PAK4: variants seen among roughly 807,000 people sequenced by gnomAD.
PAK4 encodes p21 (RAC1) activated kinase 4, also known as serine/threonine-protein kinase PAK 4.
Under a neutral mutation model 53.5 loss-of-function variants are expected in PAK4, and 49 were observed. The ratio of observed to expected loss-of-function variants is 0.92; its 90% CI spans 0.73 to 1.16. The LOEUF (loss-of-function observed/expected upper bound fraction) is 1.16. PAK4 is among the 50% of genes most tolerant of loss of function. The pLI is 0.00. For missense variants in PAK4, 824 were observed against 850.7 expected (o/e 0.97, Z 0.39); for synonymous variants, 376 against 375.6 (o/e 1.00, Z -0.01).
intron 1 of PAK4, among the ~76,000 whole-genome samples, chr19:39,158,593 T>A (rs1327960981): frequency 6.6e-6 from 1 of 152,212 alleles, no homozygotes; most frequent in Non-Finnish European, 1.5e-5. Context: ...CAGTGCCCTT[T>A]GTGTCTGTGC....
chr19:39,177,702 G>A, exon 8 of PAK4: 4 of 1,613,632 alleles, frequency 2.5e-6, no homozygotes, highest in Non-Finnish European at 3.4e-6. Flanking sequence ...GGGGATAATG[G>A]TGATTGAGAT....
At chr19:39,126,453 G>C (rs1228059849) in intron 1 of PAK4, among the ~76,000 whole-genome samples, 5 of 129,794 alleles carry the variant, frequency 3.9e-5, no homozygotes, top group African/African-American at 1.1e-4. Context: ...ACGGGGGGGG[G>C]GGGGGGGGCC....
At chr19:39,169,822 C>T in intron 2 of PAK4, 65 bp downstream of exon 3, 1 of 1,161,668 alleles carries the variant, frequency 8.6e-7, no homozygotes, top group South Asian at 1.5e-5. Context: ...TGGCCCTCAA[C>T]CCCACACTCG....
In PAK4 at chr19:39,178,932, ATGAG is replaced by A. The variant is rs1381232860; in HGVS notation, c.*356_*359del. 1 of 248,284 alleles carries A rather than the reference ATGAG, an allele frequency of 4.0e-6. No homozygotes were observed. Among genetic ancestry groups the A allele is most frequent in the Non-Finnish European group, 7.7e-6 (1 of 129,350 alleles). The allele number at this position is 248,284 out of a possible 1,614,324, so 15.4% of individuals were successfully genotyped here. A position where few individuals can be genotyped will look rare whatever the true frequency, so the allele number is the denominator to read the frequency against. On this transcript the variant is annotated 3_prime_UTR_variant, in exon 9 of 9. Transcript: ENST00000358301. The surrounding 1 kb of genome is among the most constrained non-coding windows in gnomAD (Gnocchi z 4.4). ...AGAGAACACTAAGAGGTGAACATGT[ATGAG>A]TGTGTGCACGCGTGTGAGTGTGCAT...
At position 39,143,454 on chromosome 19, in the gene PAK4, G is replaced by A. The variant is rs1028698314; in HGVS notation, c.-23+17535G>A. Among the ~76,000 whole-genome samples the A allele has an allele frequency of 7.3e-5, 11 of 151,648 alleles. No individual in the cohort carries two copies. In the East Asian group the frequency reaches 7.8e-4, roughly 11 times the overall value. ...AAAAATACAAAAAAATTAGCTTGGC[G>A]AGGTGGCAGGTGCCTGTAATCCCAG... is the stretch of plus-strand genomic sequence containing the variant. On this transcript the variant is annotated intron_variant, in intron 1 of 8. Coordinates refer to ENST00000358301, the Ensembl canonical transcript of PAK4.
At chr19:39,182,697 T>G (rs958729230), downstream of PAK4, 8 of 151,562 alleles carry the variant, frequency 5.3e-5, no homozygotes, top group African/African-American at 1.9e-4. Flanking sequence ...TGGGCGCCTG[T>G]AATCCCAGCT....
chr19:39,128,479 G>A (rs578133648), intron 1 of PAK4, among the ~76,000 whole-genome samples: 146 of 152,306 alleles, frequency 9.6e-4, no homozygotes, highest in African/African-American at 3.4e-3. Context: ...AGCATCTCAG[G>A]GTTTGGCACA....
At chr19:39,157,645 C>T (rs534762249) in intron 1 of PAK4, among the ~76,000 whole-genome samples, 1 of 152,336 alleles carries the variant, frequency 6.6e-6, no homozygotes, top group East Asian at 1.9e-4. Context: ...GGTAAATGTC[C>T]TTTTCCCCTG....
rs748018646 is a variant in PAK4, at chr19:39,161,477, T to C, written c.-22-8055T>C. On this transcript the variant is annotated intron_variant, in intron 1 of 8. Transcript: ENST00000358301. The surrounding 1 kb of genome is among the most constrained non-coding windows in gnomAD (Gnocchi z 4.5). ...TTACAGTGTGCCCAGAACCTGCTCA[T>C]GCCGCCCCCTCTGCAGCCCCCACAA... 5.9e-5 allele frequency among the ~76,000 whole-genome samples: 9 copies of C among 152,092 alleles called. No homozygotes were observed. The highest frequency in any genetic ancestry group is 8.8e-5 in the Non-Finnish European group (6 of 67,982).
chr19:39,173,386 C>T lies in PAK4; in HGVS notation c.663+10C>T, dbSNP rs1052837480. On this transcript the variant is annotated intron_variant, in intron 3 of 8. Coordinates refer to ENST00000358301, the Ensembl canonical transcript of PAK4. The surrounding 1 kb of genome is among the most constrained non-coding windows in gnomAD (Gnocchi z 6.9). ...ATCCCGGGGTGCCCAGGTAACCCAT[C>T]CCCCGCCCCAGGGCCCCCACTGTCC... 3 of 1,512,514 alleles carry T rather than the reference C, an allele frequency of 2.0e-6. No individual in the cohort carries two copies. The highest frequency in any genetic ancestry group is 2.2e-5 in the Admixed American group (1 of 45,864). 93.7% of individuals were successfully genotyped at this position (1,512,514 alleles called of 1,614,324 possible).
At chr19:39,138,882 GCCAGGAC>G (rs1488345988) in intron 1 of PAK4, among the ~76,000 whole-genome samples, 1 of 152,216 alleles carries the variant, frequency 6.6e-6, no homozygotes, top group Non-Finnish European at 1.5e-5. Flanking sequence ...GCAGGAAGGA[GCCAGGAC>G]CCAGCCCTAC....
chr19:39,154,941 G>A (rs1353302844), intron 1 of PAK4, among the ~76,000 whole-genome samples: 1 of 152,212 alleles, frequency 6.6e-6, no homozygotes, highest in Non-Finnish European at 1.5e-5. Flanking sequence ...GTGGACAGAG[G>A]TGGGGATGGG....
At chr19:39,147,842 T>G (rs1360933758) in intron 1 of PAK4, among the ~76,000 whole-genome samples, 1 of 70,434 alleles carries the variant, frequency 1.4e-5, no homozygotes, top group African/African-American at 4.7e-5. Flanking sequence ...TGTTTTCGGG[T>G]TTTTTTTTTT....
intron 1 of PAK4, among the ~76,000 whole-genome samples, chr19:39,135,791 C>T (rs996507772): frequency 6.6e-6 from 1 of 151,544 alleles, no homozygotes; most frequent in Non-Finnish European, 1.5e-5. Context: ...TCCCGGCCCC[C>T]ATCTTCCCAC....
intron 1 of PAK4, among the ~76,000 whole-genome samples, chr19:39,132,770 C>G (rs1568495868): frequency 6.6e-6 from 1 of 152,236 alleles, no homozygotes; most frequent in African/African-American, 2.4e-5. Context: ...ACTCCCACCC[C>G]CCAGTGTCTG....
At chr19:39,158,381 T>C (rs1162733834) in intron 1 of PAK4, among the ~76,000 whole-genome samples, 1 of 151,962 alleles carries the variant, frequency 6.6e-6, no homozygotes, top group Non-Finnish European at 1.5e-5. Flanking sequence ...GCAGGGGAGG[T>C]AGACAGTGAG....
rs867320503 is a variant in PAK4, at chr19:39,137,986, T to G, written c.-23+12067T>G. ...TAGTGTCTTAGCCATTCCTGAGGTT[T>G]TTTTTTTTTTTTTGAGACAGGGTCT... On this transcript the variant is annotated intron_variant, in intron 1 of 8. Coordinates refer to ENST00000358301, the Ensembl canonical transcript of PAK4. Among the ~76,000 whole-genome samples, 10 of 149,834 alleles carry G rather than the reference T, an allele frequency of 6.7e-5. 1 individual carries two copies. The highest frequency in any genetic ancestry group is 2.4e-4 in the African/African-American group (10 of 40,894).
At chr19:39,179,456 T>C (rs1367178990), downstream of PAK4, 1 of 146,198 alleles carries the variant, frequency 6.8e-6, no homozygotes, top group Admixed American at 7.1e-5. Flanking sequence ...CTGTCTTGGG[T>C]GGGAATTTGC....
chr19:39,130,576 A>G (rs56015703), intron 1 of PAK4, among the ~76,000 whole-genome samples: 4,211 of 152,162 alleles, frequency 0.028, 195 homozygotes, highest in African/African-American at 0.097. Context: ...GGATCATCAG[A>G]TAGGCCGGTG....
Sources: allele counts gnomAD v4.1 joint callset (sites outside exome capture counted in the v4.1 genomes callset), GRCh38; gene constraint gnomAD v4.1.1; non-coding constraint Gnocchi (gnomAD v3.1); transcripts MANE v1.5; gene names NCBI Gene and HGNC (gene_info 2026-07-23, HGNC 2026-07-21).